FRMPD3: variants seen among roughly 807,000 people sequenced by gnomAD.
The protein encoded by FRMPD3 is FERM and PDZ domain-containing protein 3.
In FRMPD3, 42 loss-of-function variants were observed where a neutral mutation model predicts 97.9. The ratio of observed to expected loss-of-function variants is 0.43; its 90% CI spans 0.34 to 0.55. The LOEUF is 0.55. FRMPD3 is among the 20% of genes least tolerant of loss of function. FRMPD3 has a pLI of 0.03. For synonymous variants in FRMPD3, 577 were observed against 581.1 expected, an observed-to-expected ratio of 0.99 and a Z score of 0.10; for missense variants, 1,303 against 1,457.7, an observed-to-expected ratio of 0.89 and a Z score of 1.73.
intron 1 of FRMPD3, among the ~76,000 whole-genome samples, chrX:107,461,030 C>T (rs1019846933): frequency 5.4e-5 from 6 of 111,753 alleles, no homozygotes; most frequent in African/African-American, 2.0e-4. Context: ...GTGTCCGTCA[C>T]CTGCAAAGTC....
chrX:107,559,698 G>A (rs903105408), intron 8 of FRMPD3, among the ~76,000 whole-genome samples: 3 of 111,224 alleles, frequency 2.7e-5, no homozygotes, highest in Non-Finnish European at 3.8e-5. Context: ...GTAGTTCCTG[G>A]AGACCTCCTC....
intron 10 of FRMPD3, 81 bp downstream of exon 10, chrX:107,560,934 C>T (rs1922339083): frequency 2.0e-6 from 2 of 1,025,078 alleles, no homozygotes; most frequent in Non-Finnish European, 1.3e-6. Flanking sequence ...CCAGCAGAGT[C>T]TGGTCCTCTA....
intron 6 of FRMPD3, among the ~76,000 whole-genome samples, chrX:107,552,283 C>T (rs1921896552): frequency 8.9e-6 from 1 of 111,950 alleles, no homozygotes; most frequent in Non-Finnish European, 1.9e-5. Flanking sequence ...AACATTTTGC[C>T]AGTAACTCAA....
chrX:107,529,065 G>A (rs971328483), intron 2 of FRMPD3, among the ~76,000 whole-genome samples: 3 of 112,860 alleles, frequency 2.7e-5, no homozygotes, highest in Non-Finnish European at 5.6e-5. Context: ...CTAGAGTCAA[G>A]GCTGGTTTGA....
chrX:107,602,832 C>T lies in FRMPD3; in HGVS notation c.4793C>T (p.Thr1598Ile). Residue 1598 changes from threonine (T) to isoleucine (I), a missense_variant, in exon 15 of 15, where the codon ACC becomes ATC. Coordinates refer to ENST00000683843, the MANE Select transcript of FRMPD3 (RefSeq NM_001388459.1). ...PDGFLAARLD[T>I]NELLTVLRQC... is the part of the protein sequence containing the mutation. ...GGCTTCCTGGCTGCCCGGCTGGACA[C>T]CAACGAGCTGCTGACAGTCCTGCGG... is the stretch of plus-strand genomic sequence containing the variant. The T allele has an allele frequency of 1.7e-6, 2 of 1,209,810 alleles. No individual in the cohort carries two copies. The highest frequency in any genetic ancestry group is 1.1e-6 in the Non-Finnish European group (1 of 894,848).
intron 13 of FRMPD3, among the ~76,000 whole-genome samples, chrX:107,577,792 TTCA>T (rs1165919190): frequency 9.0e-6 from 1 of 111,615 alleles, no homozygotes; most frequent in Admixed American, 9.6e-5. Flanking sequence ...CTCTTGTCTC[TTCA>T]TCACGATCAT....
chrX:107,499,324 A>G (rs1921849056), intron 1 of FRMPD3, among the ~76,000 whole-genome samples: 1 of 112,248 alleles, frequency 8.9e-6, no homozygotes, highest in Non-Finnish European at 1.9e-5. Context: ...GTGTGAAAGT[A>G]TGGAAGTATG....
chrX:107,571,034 T>C (rs755646172), intron 12 of FRMPD3, among the ~76,000 whole-genome samples: 1 of 112,042 alleles, frequency 8.9e-6, no homozygotes, highest in African/African-American at 3.2e-5. Flanking sequence ...CATGAGGTAG[T>C]ATTCAAATAT....
At chrX:107,583,081 CT>C (rs898368698) in intron 13 of FRMPD3, among the ~76,000 whole-genome samples, 1 of 110,174 alleles carries the variant, frequency 9.1e-6, no homozygotes. Context: ...TTTTGCACGT[CT>C]TTTTTTTCTT....
At chrX:107,503,675 T>A (rs1921965172) in intron 1 of FRMPD3, among the ~76,000 whole-genome samples, 1 of 112,419 alleles carries the variant, frequency 8.9e-6, no homozygotes, top group Non-Finnish European at 1.9e-5. Context: ...TTCATTTGGA[T>A]CTTGAAGCTT....
At chrX:107,514,863 A>G (rs1922266416) in intron 1 of FRMPD3, among the ~76,000 whole-genome samples, 2 of 110,759 alleles carry the variant, frequency 1.8e-5, no homozygotes, top group Admixed American at 1.9e-4. Flanking sequence ...CAATACTTAT[A>G]CAATACTGAG....
At chrX:107,519,599 G>A (rs1025587176) in intron 1 of FRMPD3, among the ~76,000 whole-genome samples, 6 of 111,898 alleles carry the variant, frequency 5.4e-5, no homozygotes. Context: ...AATCACATGT[G>A]ACTGGGAACT....
intron 1 of FRMPD3, among the ~76,000 whole-genome samples, chrX:107,471,251 CT>C (rs1218088851): frequency 9.2e-6 from 1 of 109,144 alleles, no homozygotes; most frequent in Admixed American, 9.7e-5. Flanking sequence ...CAAGCCTCTT[CT>C]TTCCCTTCCT....
In FRMPD3 at chrX:107,601,302, T is replaced by C; in HGVS notation, c.3263T>C (p.Val1088Ala). The C allele has an allele frequency of 8.3e-7, 1 of 1,208,062 alleles. No individual in the cohort carries two copies. The highest frequency in any genetic ancestry group is 1.1e-6 in the Non-Finnish European group (1 of 893,394). Reference sequence around the variant, plus strand: ...GAGGTGGCAGGCAAAGGCGGGCCAGTGGGTGGTAAGCCCACCCTGCAGAAG... The same window carrying C: ...GAGGTGGCAGGCAAAGGCGGGCCAGCGGGTGGTAAGCCCACCCTGCAGAAG... ...TGEVAGKGGP[V>A]GGKPTLQKQG... is the part of the protein sequence containing the mutation. Residue 1088 changes from valine (V) to alanine (A), a missense_variant, in exon 15 of 15, where the codon GTG becomes GCG. By Grantham distance (64) the Val-to-Ala change is moderately conservative. This residue lies in a region of FRMPD3 where 764 missense variants were observed against 820.2 expected (regional missense o/e 0.93). Transcript: ENST00000683843.
At position 107,597,730 on chromosome X, in the gene FRMPD3, C is replaced by G. The variant is rs1287524525; in HGVS notation, c.1851C>G (p.Ala617=). The change falls in exon 14 of 15, where the codon GCC becomes GCG. Residue 617 remains alanine (A), a synonymous_variant. Transcript: ENST00000683843. ...ALNFYCDSCK[A]KLQEQLGPRK... ...ATTTCTACTGTGACTCTTGCAAAGC[C>G]AAACTTCAGGAGCAGCTGGGCCCTC... 2 of 1,205,292 alleles carry G rather than the reference C, an allele frequency of 1.7e-6. No individual in the cohort carries two copies. Among genetic ancestry groups the G allele is most frequent in the Non-Finnish European group, 2.2e-6 (2 of 892,485 alleles).
chrX:107,576,327 T>C lies in FRMPD3; in HGVS notation c.1309T>C (p.Leu437=). The change falls in exon 13 of 15, where the codon TTG becomes CTG. Residue 437 remains leucine, a synonymous_variant. Transcript: ENST00000683843. ...SIMDAKPLVL[L]MEWPEATNFA... is the part of the protein sequence containing the mutation. ...TTCTCTTCTGCAGCCTCTGGTGCTG[T>C]TGATGGAGTGGCCTGAAGCCACCAA... 8.3e-7 allele frequency: 1 copy of C among 1,210,936 alleles called. No homozygotes were observed. The highest frequency in any genetic ancestry group is 1.1e-6 in the Non-Finnish European group (1 of 895,349).
chrX:107,526,211 G>T (rs1922690507), intron 1 of FRMPD3, among the ~76,000 whole-genome samples: 1 of 112,357 alleles, frequency 8.9e-6, no homozygotes, highest in Non-Finnish European at 1.9e-5. Context: ...GCAAGGCTTT[G>T]GTTTCCTTTA....
intron 1 of FRMPD3, among the ~76,000 whole-genome samples, chrX:107,488,767 A>AC (rs1283272439): frequency 9.1e-6 from 1 of 109,839 alleles, no homozygotes; most frequent in Non-Finnish European, 1.9e-5. Context: ...TGAGGGGCAA[A>AC]AAAACAAACA....
intron 1 of FRMPD3, among the ~76,000 whole-genome samples, chrX:107,510,375 G>C (rs764229991): frequency 9.0e-6 from 1 of 111,231 alleles, no homozygotes; most frequent in Non-Finnish European, 1.9e-5. Flanking sequence ...TCCCAAGCCT[G>C]GTTGTATAGT....
Sources: allele counts gnomAD v4.1 joint callset (sites outside exome capture counted in the v4.1 genomes callset), GRCh38; gene constraint gnomAD v4.1.1; regional missense constraint gnomAD v4.1.1; transcripts MANE v1.5; gene names NCBI Gene and HGNC (gene_info 2026-07-23, HGNC 2026-07-21).